Variants in CBR4 observed in about 807,000 individuals in gnomAD.
CBR4 encodes the protein carbonyl reductase 4, also known as 3-oxoacyl-[acyl-carrier-protein] reductase.
A neutral mutation model predicts 21.0 loss-of-function variants in CBR4; 22 were observed. That is an observed-to-expected ratio of 1.05 (90% CI 0.75 to 1.50). The LOEUF (loss-of-function observed/expected upper bound fraction) is 1.50. Among genes scored for constraint, CBR4 ranks in the 40% most tolerant of loss-of-function variants. CBR4 has a pLI of 0.00. For missense variants in CBR4, 302 were observed against 286.3 expected (o/e 1.05, Z -0.40); for synonymous variants, 100 against 104.4 (o/e 0.96, Z 0.26).
intron 2 of CBR4, chr4:168,898,768 C>T: frequency 7.8e-6 from 9 of 1,161,060 alleles, no homozygotes; most frequent in Admixed American, 1.7e-5. Flanking sequence ...AAAGGTTTAG[C>T]TTCCAAAACA....
At chr4:168,968,127 T>C (rs1764098235) in intron 2 of CBR4, among the ~76,000 whole-genome samples, 1 of 152,186 alleles carries the variant, frequency 6.6e-6, no homozygotes, top group South Asian at 2.1e-4. Context: ...ATAAAAGTCA[T>C]CATTTGAGGT....
At chr4:168,939,161 G>A (rs980877874) in intron 2 of CBR4, among the ~76,000 whole-genome samples, 9 of 152,182 alleles carry the variant, frequency 5.9e-5, no homozygotes, top group Non-Finnish European at 1.2e-4. Context: ...ATCAATAAAC[G>A]TAATCCATCA....
chr4:169,002,377 A>T (rs370362680), intron 3 of CBR4, among the ~76,000 whole-genome samples, 172 bp from the exon 4 acceptor site: 15 of 152,364 alleles, frequency 9.8e-5, no homozygotes, highest in Admixed American at 7.8e-4. Flanking sequence ...GGAAGATTTA[A>T]GAGTCCAAGT....
chr4:168,894,725 C>T (rs751153163), exon 3 of CBR4: 68 of 1,589,072 alleles, frequency 4.3e-5, no homozygotes, highest in Non-Finnish European at 5.5e-5. Context: ...TTCTGTCCCC[C>T]TTTTCCATCT....
chr4:169,005,541 G>A (rs988625232), intron 3 of CBR4, among the ~76,000 whole-genome samples: 2 of 152,174 alleles, frequency 1.3e-5, no homozygotes, highest in African/African-American at 4.8e-5. Context: ...GCATGCATAA[G>A]GAGGACTAAT....
intron 2 of CBR4, among the ~76,000 whole-genome samples, chr4:168,922,100 TATAC>T (rs1205589835): frequency 0.031 from 3,019 of 96,372 alleles, 30 homozygotes; most frequent in Non-Finnish European, 0.038. Flanking sequence ...TATATATATA[TATAC>T]ACACACACAC....
intron 2 of CBR4, among the ~76,000 whole-genome samples, chr4:168,967,752 A>G (rs1478562338): frequency 6.6e-6 from 1 of 152,214 alleles, no homozygotes; most frequent in African/African-American, 2.4e-5. Flanking sequence ...GTGTATCTCA[A>G]ACAAACAAAA....
At chr4:168,908,278 A>G (rs1758226677) in intron 2 of CBR4, among the ~76,000 whole-genome samples, 1 of 152,180 alleles carries the variant, frequency 6.6e-6, no homozygotes, top group Non-Finnish European at 1.5e-5. Context: ...ATCCATTAGC[A>G]AAACAAAGTG....
At chr4:168,977,438 C>T (rs556020787) in intron 2 of CBR4, among the ~76,000 whole-genome samples, 2 of 152,292 alleles carry the variant, frequency 1.3e-5, no homozygotes, top group African/African-American at 4.8e-5. Flanking sequence ...TCAGTAAATG[C>T]TGCTGGTGTT....
chr4:168,971,528 C>T (rs1334310937), intron 2 of CBR4, among the ~76,000 whole-genome samples: 1 of 151,298 alleles, frequency 6.6e-6, no homozygotes, highest in East Asian at 1.9e-4. Flanking sequence ...AAGCGATCCA[C>T]CAGCCTTGGC....
rs114248640 is a variant in CBR4, at chr4:168,929,256, C to T, written n.170-34491G>A. Among the ~76,000 whole-genome samples, 1,180 of 152,204 alleles carry T rather than the reference C, an allele frequency of 7.8e-3. 10 individuals carry two copies. The highest frequency in any genetic ancestry group is 0.016 in the African/African-American group (646 of 41,530). On this transcript the variant is annotated intron_variant and non_coding_transcript_variant, in intron 2 of 3. Transcript: ENST00000509108. ...TTAATATCTACATAGTTACAACAGA[C>T]GGACAACATATTTGGGCCTAGGCTT... is the stretch of plus-strand genomic sequence containing the variant.
chr4:168,942,990 A>G (rs1226019967), intron 2 of CBR4, among the ~76,000 whole-genome samples: 1 of 152,228 alleles, frequency 6.6e-6, no homozygotes, highest in African/African-American at 2.4e-5. Flanking sequence ...AAGAAGGTAG[A>G]GAAACAGGAA....
chr4:168,995,236 G>T (rs1217858985), intron 4 of CBR4, among the ~76,000 whole-genome samples: 1 of 152,122 alleles, frequency 6.6e-6, no homozygotes. Context: ...AAGCACTAAC[G>T]CTAACCTGGG....
chr4:169,005,950 A>G, intron 3 of CBR4: 2 of 1,226,898 alleles, frequency 1.6e-6, no homozygotes, highest in Non-Finnish European at 2.1e-6. Context: ...TAAAAAGCAG[A>G]TGGTATACTA....
chr4:168,920,683 A>T (rs1162869473), intron 2 of CBR4, among the ~76,000 whole-genome samples: 1 of 152,128 alleles, frequency 6.6e-6, no homozygotes, highest in East Asian at 1.9e-4. Flanking sequence ...TCAAGATTTT[A>T]TGATGTTTCC....
intron 2 of CBR4, among the ~76,000 whole-genome samples, chr4:168,963,207 A>C (rs2126732539): frequency 6.6e-6 from 1 of 152,354 alleles, no homozygotes. Context: ...TTTCAGCACA[A>C]CTGACTGCCA....
chr4:168,898,833 T>G (rs554916596), intron 2 of CBR4: 4 of 750,990 alleles, frequency 5.3e-6, no homozygotes, highest in Non-Finnish European at 9.4e-6. Flanking sequence ...ACCCACGATA[T>G]AAAGGGTTTT....
At chr4:168,985,782 A>G (rs1201133068), downstream of CBR4, among the ~76,000 whole-genome samples, 2 of 152,212 alleles carry the variant, frequency 1.3e-5, no homozygotes, top group African/African-American at 2.4e-5. Context: ...GTATCCTAAT[A>G]CCACATGCAA....
chr4:168,904,830 T>C (rs1757286504), intron 2 of CBR4, among the ~76,000 whole-genome samples: 1 of 152,122 alleles, frequency 6.6e-6, no homozygotes, highest in Admixed American at 6.5e-5. Flanking sequence ...TACAAACTTT[T>C]AATTAAAGTT....
Sources: gnomAD v4.1 joint callset for allele counts (sites outside exome capture counted in the v4.1 genomes callset) on GRCh38, gnomAD v4.1.1 for gene constraint, MANE v1.5 for transcripts, NCBI Gene and HGNC (gene_info 2026-07-23, HGNC 2026-07-21) for gene names.